The following CDC123 variants were observed in gnomAD, a reference collection of about 807,000 sequenced individuals.
The protein encoded by CDC123 is translation initiation factor eIF2 assembly protein.
A neutral mutation model predicts 54.4 loss-of-function variants in CDC123; 37 were observed. The observed-to-expected ratio is 0.68, with a 90% CI of 0.52 to 0.89. The LOEUF (loss-of-function observed/expected upper bound fraction) is 0.89, where lower values mean the gene tolerates loss of function less well. Ranked by LOEUF, CDC123 falls within the 40% of genes least tolerant of loss-of-function variation. CDC123 has a pLI of 0.00. For synonymous variants in CDC123, 144 were observed against 136.8 expected (o/e 1.05, Z -0.37); for missense variants, 361 against 412.1 (o/e 0.88, Z 1.07).
chr10:12,215,626 G>T (rs1230530108), intron 4 of CDC123, 114 bp from the exon 5 acceptor site: 2 of 471,822 alleles, frequency 4.2e-6, no homozygotes, highest in Non-Finnish European at 7.5e-6. Flanking sequence ...ATAGTAATTT[G>T]TATTCTAAAT....
chr10:12,210,776 C>T (rs1246849417), intron 4 of CDC123, among the ~76,000 whole-genome samples: 1 of 152,226 alleles, frequency 6.6e-6, no homozygotes, highest in Non-Finnish European at 1.5e-5. Flanking sequence ...TCTTGGCTCA[C>T]TGCAACCTCC....
chr10:12,230,015 T>A (rs1835877612), intron 6 of CDC123, among the ~76,000 whole-genome samples: 1 of 152,204 alleles, frequency 6.6e-6, no homozygotes, highest in African/African-American at 2.4e-5. Context: ...GTTTGAGTCT[T>A]GTTGTGGCCA....
At chr10:12,232,361 T>A (rs1247391237) in intron 7 of CDC123, among the ~76,000 whole-genome samples, 1 of 152,156 alleles carries the variant, frequency 6.6e-6, no homozygotes, top group African/African-American at 2.4e-5. Flanking sequence ...GCAGTAATTT[T>A]AAAATCTGTC....
chr10:12,235,202 T>C (rs1470002104), intron 8 of CDC123, 79 bp downstream of exon 8: 37 of 1,230,468 alleles, frequency 3.0e-5, no homozygotes, highest in Non-Finnish European at 4.3e-5. Flanking sequence ...GAAGTAAATT[T>C]CCAGTAATTA....
At chr10:12,235,263 G>C in intron 8 of CDC123, 140 bp downstream of exon 8, 1 of 674,938 alleles carries the variant, frequency 1.5e-6, no homozygotes. Flanking sequence ...CTAACCAGTT[G>C]ATACTGACTC....
chr10:12,225,133 AT>A (rs1425086883), intron 6 of CDC123, among the ~76,000 whole-genome samples: 1 of 152,152 alleles, frequency 6.6e-6, no homozygotes, highest in African/African-American at 2.4e-5. Context: ...GGTGGCTCAC[AT>A]CTGTAATCCC....
intron 2 of CDC123, 46 bp from the exon 3 acceptor site, chr10:12,209,921 G>A (rs1237296189): frequency 3.2e-6 from 5 of 1,586,000 alleles, no homozygotes; most frequent in Middle Eastern, 1.7e-4. Flanking sequence ...GGAGCATGCG[G>A]TGCCCAAGTC....
At chr10:12,238,544 G>T in intron 10 of CDC123, 59 bp downstream of exon 10, 1 of 1,578,706 alleles carries the variant, frequency 6.3e-7, no homozygotes, top group Admixed American at 1.9e-5. Flanking sequence ...TAAGCAGGCA[G>T]AGCATGCCTT....
At chr10:12,198,530 C>G (rs183296988) in intron 1 of CDC123, among the ~76,000 whole-genome samples, 175 bp from the exon 2 acceptor site, 1 of 152,114 alleles carries the variant, frequency 6.6e-6, no homozygotes. Flanking sequence ...TAAGATGAAC[C>G]GCAGTAATCT....
intron 11 of CDC123, among the ~76,000 whole-genome samples, chr10:12,248,490 T>G (rs1433527946): frequency 7.0e-6 from 1 of 143,102 alleles, no homozygotes; most frequent in Non-Finnish European, 1.5e-5. Flanking sequence ...CCAGCCTGGG[T>G]GACAGAGCGG....
chr10:12,208,141 A>C (rs1835545811), intron 2 of CDC123, among the ~76,000 whole-genome samples: 1 of 152,202 alleles, frequency 6.6e-6, no homozygotes, highest in Non-Finnish European at 1.5e-5. Flanking sequence ...CAGAGATAAA[A>C]GCACATGTTT....
chr10:12,223,662 T>TTATA (rs1835766453), intron 6 of CDC123, among the ~76,000 whole-genome samples: 1 of 152,196 alleles, frequency 6.6e-6, no homozygotes, highest in Non-Finnish European at 1.5e-5. Flanking sequence ...ATATACCTAT[T>TTATA]TATAGTAAGG....
intron 4 of CDC123, 72 bp downstream of exon 4, chr10:12,210,394 T>C: frequency 1.3e-6 from 2 of 1,521,574 alleles, no homozygotes; most frequent in Non-Finnish European, 1.8e-6. Flanking sequence ...AAGGTTTAAG[T>C]GCATACCTCT....
chr10:12,239,467 C>T (rs1239138037), intron 10 of CDC123, among the ~76,000 whole-genome samples: 1 of 152,172 alleles, frequency 6.6e-6, no homozygotes, highest in Admixed American at 6.5e-5. Context: ...AATCCCAGCA[C>T]TTTGGGAGGC....
intron 10 of CDC123, among the ~76,000 whole-genome samples, chr10:12,243,497 G>A (rs1337032337): frequency 6.6e-6 from 1 of 151,728 alleles, no homozygotes; most frequent in Non-Finnish European, 1.5e-5. Context: ...ACTATAAAAA[G>A]CCAAGTAGAG....
At chr10:12,238,547 C>G (rs1242755108) in intron 10 of CDC123, 62 bp downstream of exon 10, 1 of 1,573,762 alleles carries the variant, frequency 6.4e-7, no homozygotes, top group African/African-American at 1.4e-5. Context: ...GCAGGCAGAG[C>G]ATGCCTTTGT....
intron 6 of CDC123, among the ~76,000 whole-genome samples, chr10:12,222,170 C>A (rs1160185739): frequency 2.0e-5 from 3 of 152,252 alleles, no homozygotes; most frequent in Non-Finnish European, 4.4e-5. Context: ...TCTGAACAAT[C>A]CAGGTTCCAT....
At chr10:12,243,589 C>T (rs1416161366) in intron 10 of CDC123, among the ~76,000 whole-genome samples, 1 of 151,448 alleles carries the variant, frequency 6.6e-6, no homozygotes, top group Non-Finnish European at 1.5e-5. Context: ...GAGATCGAGA[C>T]CATCCTGACA....
At chr10:12,198,051 A>T (rs1007501901) in intron 1 of CDC123, among the ~76,000 whole-genome samples, 1 of 152,194 alleles carries the variant, frequency 6.6e-6, no homozygotes, top group Non-Finnish European at 1.5e-5. Flanking sequence ...TTGATAATTT[A>T]TTATTTCAAG....
Sources: allele counts gnomAD v4.1 joint callset (sites outside exome capture counted in the v4.1 genomes callset), GRCh38; gene constraint gnomAD v4.1.1; transcripts MANE v1.5; gene names NCBI Gene and HGNC (gene_info 2026-07-23, HGNC 2026-07-21).